The following RGS10 variants were observed in gnomAD, a reference collection of about 807,000 sequenced individuals.
RGS10 encodes the protein regulator of G protein signaling 10, also known as regulator of G-protein signalling 10.
RGS10 carries 11 observed loss-of-function variants against 23.5 expected under a neutral mutation model. The ratio of observed to expected loss-of-function variants is 0.47; its 90% CI spans 0.29 to 0.77. The LOEUF is 0.77. RGS10 is among the 30% of genes least tolerant of loss of function. The pLI is 0.08. For missense variants in RGS10, 180 were observed against 226.3 expected, an observed-to-expected ratio of 0.80 and a Z score of 1.31; for synonymous variants, 77 against 83.2, an observed-to-expected ratio of 0.92 and a Z score of 0.41.
At chr10:119,531,969 T>A (rs1449982772) in intron 1 of RGS10, among the ~76,000 whole-genome samples, 1 of 152,222 alleles carries the variant, frequency 6.6e-6, no homozygotes, top group Non-Finnish European at 1.5e-5. Flanking sequence ...CTGCTTTTTA[T>A]AGCCATGGGT....
At chr10:119,525,975 T>C in intron 3 of RGS10, 57 bp downstream of exon 3, 1 of 919,764 alleles carries the variant, frequency 1.1e-6, no homozygotes, top group Non-Finnish European at 1.7e-6. Context: ...TCAGAATCTA[T>C]TGGAAAGGCA....
intron 1 of RGS10, among the ~76,000 whole-genome samples, chr10:119,529,969 G>A (rs1187746862): frequency 6.6e-6 from 1 of 152,056 alleles, no homozygotes; most frequent in Non-Finnish European, 1.5e-5. Flanking sequence ...GTGGATGTCT[G>A]TAATCCCAGC....
At chr10:119,540,645 C>T (rs559527135) in intron 1 of RGS10, among the ~76,000 whole-genome samples, 1 of 152,316 alleles carries the variant, frequency 6.6e-6, no homozygotes, top group Non-Finnish European at 1.5e-5. Flanking sequence ...CTGCCTTCAG[C>T]CTTTTTGGGG....
Position 119,538,864 on chromosome 10 carries a change from T to C in RGS10, c.49+3726A>G, listed in dbSNP as rs1243946873. Among the ~76,000 whole-genome samples the C allele has an allele frequency of 6.6e-6, 1 of 152,114 alleles. No individual in the cohort carries two copies. The highest frequency in any genetic ancestry group is 2.4e-5 in the African/African-American group (1 of 41,418). Reference sequence around the variant, plus strand: ...AAGAAACTTGGGGGCATAAATTTAGTGCAGTTTAAGCAACAGGTTCCCAGA... The same window carrying C: ...AAGAAACTTGGGGGCATAAATTTAGCGCAGTTTAAGCAACAGGTTCCCAGA... On this transcript the variant is annotated intron_variant, in intron 1 of 4. Transcript: ENST00000369103. This position sits in a 1 kb window ranked among gnomAD's most constrained non-coding sequence, Gnocchi z 4.5.
chr10:119,504,625 G>A (rs552037004), intron 4 of RGS10, among the ~76,000 whole-genome samples: 2 of 152,266 alleles, frequency 1.3e-5, no homozygotes, highest in East Asian at 3.9e-4. Flanking sequence ...GTTGCATAAG[G>A]GTCTCAAAAT....
chr10:119,529,411 G>T (rs1445458894), intron 1 of RGS10, among the ~76,000 whole-genome samples: 1 of 151,948 alleles, frequency 6.6e-6, no homozygotes, highest in African/African-American at 2.4e-5. Context: ...CCAAGATCGT[G>T]CCACTGCACT....
At chr10:119,525,364 C>T (rs1173081225) in intron 3 of RGS10, among the ~76,000 whole-genome samples, 3 of 152,192 alleles carry the variant, frequency 2.0e-5, no homozygotes, top group African/African-American at 4.8e-5. Context: ...AACACTCCCT[C>T]CAGCCTCACA....
Position 119,506,506 on chromosome 10 carries a change from C to T in RGS10, c.400-6247G>A, listed in dbSNP as rs34830741. On this transcript the variant is annotated intron_variant, in intron 4 of 4. Coordinates refer to ENST00000369103, the MANE Select transcript of RGS10 (RefSeq NM_001005339.2). ...ATCCCCTCCCAAGCTCACGGGTTCACGCGTGTGGCGGTCACACGTGTGGAG... is the reference window on the plus strand; with the variant it reads ...ATCCCCTCCCAAGCTCACGGGTTCATGCGTGTGGCGGTCACACGTGTGGAG... Among the ~76,000 whole-genome samples the T allele has an allele frequency of 9.8e-3, 1,486 of 152,356 alleles. 13 individuals are homozygous for T. Among genetic ancestry groups the T allele is most frequent in the South Asian group, 0.023 (113 of 4,828 alleles).
chr10:119,532,650 G>A (rs1844343152), intron 1 of RGS10, among the ~76,000 whole-genome samples: 1 of 152,128 alleles, frequency 6.6e-6, no homozygotes, highest in African/African-American at 2.4e-5. Flanking sequence ...GATCAGCCTG[G>A]CCAACATGGT....
intron 1 of RGS10, among the ~76,000 whole-genome samples, chr10:119,534,617 G>A (rs1344712757): frequency 5.7e-5 from 6 of 104,652 alleles, no homozygotes; most frequent in Non-Finnish European, 9.7e-5. Flanking sequence ...AAAGGTTGGC[G>A]CGGTGGCTCA....
chr10:119,501,147 G>A lies in RGS10; in HGVS notation c.400-888C>T, dbSNP rs138571551. Among the ~76,000 whole-genome samples the A allele has an allele frequency of 2.8e-3, 429 of 152,258 alleles. 1 individual carries two copies. The highest frequency in any genetic ancestry group is 9.9e-3 in the African/African-American group (410 of 41,526). The stretch of plus-strand genomic sequence containing the variant: ...CCTCCTCCCTTGCCCCAGGAAAGGG[G>A]CAGAGAAAGAGAAGCACAAAGCCTT... On this transcript the variant is annotated intron_variant, in intron 4 of 4. Transcript: ENST00000369103.
chr10:119,536,358 T>TG, intron 1 of RGS10: 1 of 1,008,810 alleles, frequency 9.9e-7, no homozygotes, highest in South Asian at 1.4e-5. Context: ...CAGTCACCTG[T>TG]GCACCTCTGT....
intron 1 of RGS10, among the ~76,000 whole-genome samples, chr10:119,536,254 C>G (rs1230366648): frequency 6.6e-6 from 1 of 152,184 alleles, no homozygotes; most frequent in Non-Finnish European, 1.5e-5. Context: ...AAGCTGGTGG[C>G]AGAGGGTTGG....
intron 4 of RGS10, among the ~76,000 whole-genome samples, chr10:119,507,827 C>T (rs1039138134): frequency 1.3e-5 from 2 of 151,806 alleles, no homozygotes; most frequent in Non-Finnish European, 2.9e-5. Flanking sequence ...TCAGGTGATC[C>T]GCCCACCTCA....
At chr10:119,507,236 C>T (rs565733391) in intron 4 of RGS10, among the ~76,000 whole-genome samples, 4 of 152,254 alleles carry the variant, frequency 2.6e-5, no homozygotes, top group East Asian at 3.9e-4. Context: ...CTGACACATC[C>T]TAAGTCCCTG....
intron 4 of RGS10, among the ~76,000 whole-genome samples, chr10:119,506,382 G>A (rs558698080): frequency 8.5e-5 from 13 of 152,228 alleles, no homozygotes; most frequent in Non-Finnish European, 1.8e-4. Flanking sequence ...CCAGCTTCAC[G>A]ACAGACCAGC....
intron 4 of RGS10, among the ~76,000 whole-genome samples, chr10:119,510,950 C>T (rs1287418174): frequency 6.6e-6 from 1 of 152,136 alleles, no homozygotes; most frequent in East Asian, 1.9e-4. Context: ...GATCTCCTGA[C>T]CTTGTGATCT....
chr10:119,526,626 T>C (rs765003782), intron 2 of RGS10, among the ~76,000 whole-genome samples: 3 of 152,180 alleles, frequency 2.0e-5, no homozygotes, highest in Non-Finnish European at 2.9e-5. Context: ...ACCTCCTGAG[T>C]TGCAAACACT....
chr10:119,541,619 C>T (rs1564718222), intron 1 of RGS10, among the ~76,000 whole-genome samples: 1 of 152,134 alleles, frequency 6.6e-6, no homozygotes, highest in South Asian at 2.1e-4. Context: ...GGAAATGCAC[C>T]AACGCGTTGG....
Sources: allele counts gnomAD v4.1 joint callset (sites outside exome capture counted in the v4.1 genomes callset), GRCh38; gene constraint gnomAD v4.1.1; non-coding constraint Gnocchi (gnomAD v3.1); transcripts MANE v1.5; gene names NCBI Gene and HGNC (gene_info 2026-07-23, HGNC 2026-07-21).